Variants in RIC1 observed in about 807,000 individuals in gnomAD.
The protein encoded by RIC1 is RIC1 partner of RAB6A GEF complex, also known as guanine nucleotide exchange factor subunit RIC1.
A neutral mutation model predicts 169.0 loss-of-function variants in RIC1; 88 were observed. The observed-to-expected ratio is 0.52, with a 90% CI of 0.44 to 0.62. The LOEUF is 0.62. RIC1 is among the 20% of genes least tolerant of loss of function. The pLI, the probability that RIC1 is intolerant of heterozygous loss-of-function variation, is 0.00. For missense variants in RIC1, 1,877 were observed against 1,725.5 expected (o/e 1.09, Z -1.56); for synonymous variants, 790 against 601.5 (o/e 1.31, Z -4.59).
intron 3 of RIC1, among the ~76,000 whole-genome samples, chr9:5,696,943 C>G (rs996214213): frequency 2.0e-5 from 3 of 152,084 alleles, no homozygotes; most frequent in African/African-American, 7.2e-5. Context: ...CTAGCTTAGC[C>G]CTTCTGAAGT....
chr9:5,636,122 T>G (rs1817959823), intron 1 of RIC1, among the ~76,000 whole-genome samples: 8 of 152,230 alleles, frequency 5.3e-5, no homozygotes, highest in Admixed American at 5.2e-4. Flanking sequence ...GAGATTGCAT[T>G]GAATCCATAG....
chr9:5,778,590 C>T (rs2131180301), downstream of RIC1, among the ~76,000 whole-genome samples: 1 of 152,298 alleles, frequency 6.6e-6, no homozygotes, highest in South Asian at 2.1e-4. Flanking sequence ...AAATCCAAAT[C>T]CCTTCCATGA....
chr9:5,675,438 CCTAT>C (rs1160417747), intron 2 of RIC1, among the ~76,000 whole-genome samples: 4 of 152,224 alleles, frequency 2.6e-5, no homozygotes, highest in East Asian at 1.9e-4. Context: ...ACTTAGAACT[CCTAT>C]CTAACAACTA....
At chr9:5,654,071 C>T (rs551433620) in intron 1 of RIC1, among the ~76,000 whole-genome samples, 1 of 152,294 alleles carries the variant, frequency 6.6e-6, no homozygotes, top group Admixed American at 6.5e-5. Flanking sequence ...ATGATCTCAG[C>T]TCACTGCAAC....
intron 2 of RIC1, among the ~76,000 whole-genome samples, chr9:5,677,447 A>G (rs1023322051): frequency 2.0e-5 from 3 of 152,172 alleles, no homozygotes; most frequent in Non-Finnish European, 2.9e-5. Flanking sequence ...TGAAAAGATT[A>G]TCCCTTCTAC....
At chr9:5,731,671 T>C (rs1824377063) in intron 6 of RIC1, among the ~76,000 whole-genome samples, 1 of 152,176 alleles carries the variant, frequency 6.6e-6, no homozygotes, top group Non-Finnish European at 1.5e-5. Flanking sequence ...AGATGGCATA[T>C]GGAAATAGCA....
intron 7 of RIC1, among the ~76,000 whole-genome samples, 200 bp downstream of exon 7, chr9:5,732,679 G>A (rs759139054): frequency 6.6e-5 from 10 of 152,176 alleles, no homozygotes; most frequent in Non-Finnish European, 1.2e-4. Flanking sequence ...TTTGGAGGTT[G>A]AGCATGTTAA....
chr9:5,652,685 C>T (rs201998325), intron 1 of RIC1, among the ~76,000 whole-genome samples: 1 of 77,318 alleles, frequency 1.3e-5, no homozygotes, highest in African/African-American at 3.1e-5. Context: ...AATTTGGATA[C>T]TTTTTATTCT....
rs561481911 is a variant in RIC1 at position 5,742,487 on chromosome 9, CT to C, written c.902-375del. Among the ~76,000 whole-genome samples, 21 of 152,000 alleles carry C rather than the reference CT, an allele frequency of 1.4e-4. No individual in the cohort carries two copies. In the East Asian group the frequency reaches 3.3e-3, roughly 24 times the overall value. ...TTTTTTAATCATTCTTACTGTGTAG[CT>C]TTTTTTAAGGCCTGCATATGTTTTT... On this transcript the variant is annotated intron_variant, in intron 8 of 25. Transcript: ENST00000414202.
intron 11 of RIC1, 46 bp from the exon 12 acceptor site, chr9:5,747,256 A>G (rs780897810): frequency 1.1e-5 from 17 of 1,479,048 alleles, no homozygotes; most frequent in Middle Eastern, 3.5e-4. Flanking sequence ...AGTTGTTTTT[A>G]TTTGTTTTCC....
intron 1 of RIC1, among the ~76,000 whole-genome samples, chr9:5,655,206 C>T (rs1819019217): frequency 6.6e-6 from 1 of 152,198 alleles, no homozygotes; most frequent in Non-Finnish European, 1.5e-5. Flanking sequence ...CATAGATCTT[C>T]TTTATCACGT....
intron 2 of RIC1, 86 bp from the exon 3 acceptor site, chr9:5,689,872 TC>T: frequency 1.1e-6 from 1 of 899,528 alleles, no homozygotes. Flanking sequence ...AAATTTTTTT[TC>T]GAAGTAAGAA....
rs1428286771 is a variant in RIC1 at position 5,747,346 on chromosome 9, C to A, written c.1293C>A (p.Tyr431Ter). The A allele has an allele frequency of 6.2e-7, 1 of 1,613,868 alleles. No individual in the cohort carries two copies. Among genetic ancestry groups the A allele is most frequent in the South Asian group, 1.1e-5 (1 of 91,086 alleles). Residue 431 changes from tyrosine to a stop codon, truncating the protein, a stop_gained, in exon 12 of 26, where the codon TAC (tyrosine) becomes TAA (stop). Coordinates refer to ENST00000414202, the MANE Select transcript of RIC1 (RefSeq NM_020829.4). LOFTEE classifies it high-confidence loss of function. Reference sequence around the variant, plus strand: ...TGCTTCAGGGTGAGGATCGCTTGTACTTGAACTGTGGAGAGGCTTCACAAA... The same window carrying A: ...TGCTTCAGGGTGAGGATCGCTTGTAATTGAACTGTGGAGAGGCTTCACAAA... ...QVLLQGEDRL[Y>*]LNCGEASQTQ... is the part of the protein sequence containing the mutation.
In RIC1 at chr9:5,732,372, T is replaced by A; in HGVS notation, c.721-16T>A. The A allele has an allele frequency of 6.3e-7, 1 of 1,594,680 alleles. No homozygotes were observed. Among genetic ancestry groups the A allele is most frequent in the South Asian group, 1.1e-5 (1 of 87,962 alleles). On this transcript the variant is annotated splice_polypyrimidine_tract_variant and intron_variant, in intron 6 of 25. Transcript: ENST00000414202. ...AGAAACACTTTTTAAGCCTTAACTA[T>A]TTTTCTTTATTATAGCAGCTTCATG...
chr9:5,689,998 A>G lies in RIC1; in HGVS notation c.292A>G (p.Thr98Ala), dbSNP rs1432537271. ...CATCTTGTTTTTTCATATTACATCT[A>G]CAAGAGGGGACAAGTACCTTTATGA... ...GYILFFHITS[T>A]RGDKYLYEPV... Residue 98 changes from threonine to alanine, a missense_variant, in exon 3 of 26, where the codon ACA becomes GCA. Physicochemically the swap from Thr to Ala is moderately conservative, Grantham distance 58. This residue lies in a region of RIC1 where 1,104 missense variants were observed against 992.0 expected (regional missense o/e 1.11). Coordinates refer to ENST00000414202, the MANE Select transcript of RIC1 (RefSeq NM_020829.4). 5 of 1,600,450 alleles carry G rather than the reference A, an allele frequency of 3.1e-6. No homozygotes were observed. Among genetic ancestry groups the G allele is most frequent in the Admixed American group, 1.8e-5 (1 of 55,880 alleles).
At chr9:5,701,086 G>T (rs1004429256) in intron 3 of RIC1, among the ~76,000 whole-genome samples, 1 of 151,988 alleles carries the variant, frequency 6.6e-6, no homozygotes, top group Admixed American at 6.6e-5. Flanking sequence ...AAGTTGGCTG[G>T]GTTCTATTTC....
At chr9:5,640,082 A>G (rs906627810) in intron 1 of RIC1, among the ~76,000 whole-genome samples, 6 of 152,154 alleles carry the variant, frequency 3.9e-5, no homozygotes, top group African/African-American at 1.4e-4. Context: ...GCTATTATTG[A>G]TAAGTAGGGA....
intron 1 of RIC1, among the ~76,000 whole-genome samples, chr9:5,645,357 A>G (rs916716960): frequency 6.6e-6 from 1 of 152,222 alleles, no homozygotes; most frequent in Admixed American, 6.5e-5. Flanking sequence ...TTTAAGTGGA[A>G]TATTTCTCTT....
intron 1 of RIC1, among the ~76,000 whole-genome samples, chr9:5,629,863 C>T (rs1311236591): frequency 6.6e-6 from 1 of 152,240 alleles, no homozygotes; most frequent in Non-Finnish European, 1.5e-5. Flanking sequence ...TTAAAGGTCG[C>T]CGTTTTGGAG....
Sources: gnomAD v4.1 joint callset for allele counts (sites outside exome capture counted in the v4.1 genomes callset) on GRCh38, gnomAD v4.1.1 for gene constraint, gnomAD v4.1.1 regional missense constraint, MANE v1.5 for transcripts, NCBI Gene and HGNC (gene_info 2026-07-23, HGNC 2026-07-21) for gene names.